PAX1: variants seen among roughly 807,000 people sequenced by gnomAD.
PAX1 encodes paired box protein Pax-1.
PAX1 carries 18 observed loss-of-function variants against 35.6 expected under a neutral mutation model. The ratio of observed to expected loss-of-function variants is 0.50; its 90% CI spans 0.35 to 0.75. The LOEUF (loss-of-function observed/expected upper bound fraction) is 0.75, where lower values mean the gene tolerates loss of function less well. PAX1 is among the 30% of genes least tolerant of loss of function. The pLI, the probability that PAX1 is intolerant of heterozygous loss-of-function variation, is 0.01. For synonymous variants in PAX1, 397 were observed against 305.2 expected (o/e 1.30, Z -3.14); for missense variants, 760 against 661.5 (o/e 1.15, Z -1.63).
intron 4 of PAX1, among the ~76,000 whole-genome samples, chr20:21,713,904 A>G (rs1451529244): frequency 6.6e-6 from 1 of 152,226 alleles, no homozygotes; most frequent in African/African-American, 2.4e-5. Context: ...ACTGCCTCCT[A>G]CGTCGGAGGA....
rs376384580 is a variant in PAX1, at chr20:21,714,597, C to A, written c.*35C>A. 1 of 1,560,240 alleles carries A rather than the reference C, an allele frequency of 6.4e-7. No individual in the cohort carries two copies. The highest frequency in any genetic ancestry group is 8.7e-7 in the Non-Finnish European group (1 of 1,156,012). On this transcript the variant is annotated 3_prime_UTR_variant, in exon 5 of 5. Transcript: ENST00000613128. ...TCCCCGGACCCGAGCCCGGAGGGAA[C>A]GGCAGGCGGACCCGGGCGCACAGGT...
At position 21,709,405 on chromosome 20, in the gene PAX1, C is replaced by A; in HGVS notation, c.1243C>A (p.Leu415Ile). 6.5e-7 allele frequency: 1 copy of A among 1,545,944 alleles called. No homozygotes were observed. Among genetic ancestry groups the A allele is most frequent in the Non-Finnish European group, 8.7e-7 (1 of 1,150,628 alleles). Residue 415 changes from leucine (L) to isoleucine (I), a missense_variant, in exon 4 of 5, where the codon CTC becomes ATC. Physicochemically the swap from Leu to Ile is conservative, Grantham distance 5. Transcript: ENST00000613128. ...CGGCGTAGCTGTGCATGGCGGGGAA[C>A]TCGCGGCAGCAATGACCTTCAAGCA... ...GAGVAVHGGE[L>I]AAAMTFKHPS...
At chr20:21,712,104 C>A (rs985805155) in intron 4 of PAX1, among the ~76,000 whole-genome samples, 2 of 152,198 alleles carry the variant, frequency 1.3e-5, no homozygotes, top group Non-Finnish European at 2.9e-5. Context: ...ACACACCACA[C>A]ACGCACAGTG....
intron 4 of PAX1, among the ~76,000 whole-genome samples, chr20:21,713,277 G>C (rs1384095113): frequency 6.6e-6 from 1 of 152,172 alleles, no homozygotes; most frequent in Non-Finnish European, 1.5e-5. Flanking sequence ...ACTTTGTTTA[G>C]GAAAAAGAGC....
Position 21,709,355 on chromosome 20 carries a change from G to T in PAX1, c.1193G>T (p.Gly398Val). The T allele has an allele frequency of 1.9e-6, 3 of 1,593,862 alleles. No individual in the cohort carries two copies. Among genetic ancestry groups the T allele is most frequent in the Non-Finnish European group, 2.6e-6 (3 of 1,174,264 alleles). Residue 398 changes from glycine to valine, a missense_variant, in exon 4 of 5, where the codon GGT becomes GTT. Coordinates refer to ENST00000613128, the MANE Select transcript of PAX1 (RefSeq NM_001257096.2). ...GGCCCGCCGTGGCCGCCTGCGCAAG[G>T]TCCTCCTCTGGCGCCCCCCGGGGCC... is the stretch of plus-strand genomic sequence containing the variant. ...APGPPWPPAQGPPLAPPGAGV... is the reference protein window; with the variant it reads ...APGPPWPPAQVPPLAPPGAGV...
intron 2 of PAX1, among the ~76,000 whole-genome samples, chr20:21,707,855 T>C (rs1041710758): frequency 3.3e-5 from 5 of 152,144 alleles, no homozygotes; most frequent in African/African-American, 7.2e-5. Context: ...GAAAGAGTGG[T>C]GGCTGGAAAG....
chr20:21,712,774 G>A (rs1231995689), intron 4 of PAX1, among the ~76,000 whole-genome samples: 1 of 152,196 alleles, frequency 6.6e-6, no homozygotes, highest in Non-Finnish European at 1.5e-5. Flanking sequence ...TAGGTCGCTG[G>A]CATTGTCGCA....
In PAX1 at chr20:21,705,764, G is replaced by C. The variant is rs1347724154; in HGVS notation, c.52G>C (p.Gly18Arg). The C allele has an allele frequency of 2.0e-5, 25 of 1,262,292 alleles. No individual in the cohort carries two copies. The highest frequency in any genetic ancestry group is 2.4e-5 in the Non-Finnish European group (24 of 1,002,586). The allele number at this position is 1,262,292 out of a possible 1,614,324, so 78.2% of individuals were successfully genotyped here. A position where few individuals can be genotyped will look rare whatever the true frequency, so the allele number is the denominator to read the frequency against. The change falls in exon 1 of 5, where the codon GGG becomes CGG. Residue 18 changes from glycine to arginine, a missense_variant. Physicochemically the swap from Gly to Arg is moderately radical, Grantham distance 125. Coordinates refer to ENST00000613128, the MANE Select transcript of PAX1 (RefSeq NM_001257096.2). The part of the protein sequence containing the change: ...GSRAWRVSWE[G>R]AAAAAAGPGA... Reference sequence around the variant, plus strand: ...GCGGGCGTGGAGAGTGTCCTGGGAGGGGGCAGCAGCGGCGGCGGCAGGCCC... The same window carrying C: ...GCGGGCGTGGAGAGTGTCCTGGGAGCGGGCAGCAGCGGCGGCGGCAGGCCC...
intron 3 of PAX1, 74 bp downstream of exon 3, chr20:21,708,774 G>A: frequency 1.3e-6 from 2 of 1,532,462 alleles, no homozygotes; most frequent in Non-Finnish European, 1.8e-6. Flanking sequence ...GAAAAAGAGA[G>A]AGAAAGAAAA....
intron 2 of PAX1, among the ~76,000 whole-genome samples, chr20:21,707,521 C>T (rs999446557): frequency 6.6e-6 from 1 of 152,144 alleles, no homozygotes; most frequent in African/African-American, 2.4e-5. Context: ...GATTGAGTGG[C>T]CTACATCTCT....
intron 2 of PAX1, 45 bp downstream of exon 2, chr20:21,707,112 C>A (rs778116205): frequency 1.2e-6 from 2 of 1,610,908 alleles, no homozygotes; most frequent in Non-Finnish European, 1.7e-6. Context: ...GGGGCAGAAC[C>A]TGGGGCGGGC....
Position 21,708,349 on chromosome 20 carries a change from G to A in PAX1, c.917-209G>A. On this transcript the variant is annotated intron_variant, in intron 2 of 4. Transcript: ENST00000613128. ...TGGGAAACCGGTTGAAGGCTAGGAG[G>A]ACCGGGCAGCAGGCCTGGCTGCCTT... The A allele has an allele frequency of 4.3e-6, 3 of 704,234 alleles. No homozygotes were observed. In the South Asian group the frequency reaches 4.8e-5, roughly 11 times the overall value. The allele number at this position is 704,234 out of a possible 1,614,324, so 43.6% of individuals were successfully genotyped here.
chr20:21,709,407 C>A lies in PAX1; in HGVS notation c.1245C>A (p.Leu415=). The A allele has an allele frequency of 6.5e-7, 1 of 1,544,946 alleles. No homozygotes were observed. The highest frequency in any genetic ancestry group is 1.2e-5 in the South Asian group (1 of 84,320). Residue 415 remains leucine, a synonymous_variant, in exon 4 of 5, where the codon CTC becomes CTA. Coordinates refer to ENST00000613128, the MANE Select transcript of PAX1 (RefSeq NM_001257096.2). The part of the protein sequence containing the change: ...GAGVAVHGGE[L]AAAMTFKHPS... ...GCGTAGCTGTGCATGGCGGGGAACTCGCGGCAGCAATGACCTTCAAGCATC... is the reference window on the plus strand; with the variant it reads ...GCGTAGCTGTGCATGGCGGGGAACTAGCGGCAGCAATGACCTTCAAGCATC...
At chr20:21,707,821 G>A (rs1040612962) in intron 2 of PAX1, among the ~76,000 whole-genome samples, 1 of 152,192 alleles carries the variant, frequency 6.6e-6, no homozygotes, top group Admixed American at 6.5e-5. Context: ...AGGGCAAGAA[G>A]CAAAATTCAC....
rs1600330427 is a variant in PAX1, at chr20:21,715,093, T to C, written c.*531T>C. 7 of 540,736 alleles carry C rather than the reference T, an allele frequency of 1.3e-5. No homozygotes were observed. The East Asian group carries it at 1.9e-4, about 15-fold the overall frequency. 33.5% of individuals were successfully genotyped at this position (540,736 alleles called of 1,614,324 possible). ...TTCTTCCCCCGTCTCCTCTTTCTAG[T>C]CCTCTATATGCTATCAGCCCTTTTT... On this transcript the variant is annotated 3_prime_UTR_variant, in exon 5 of 5. Coordinates refer to ENST00000613128, the MANE Select transcript of PAX1 (RefSeq NM_001257096.2).
intron 4 of PAX1, among the ~76,000 whole-genome samples, 198 bp downstream of exon 4, chr20:21,709,642 C>A (rs1420756988): frequency 6.6e-6 from 1 of 151,992 alleles, no homozygotes; most frequent in African/African-American, 2.4e-5. Context: ...ATAAAGGTAC[C>A]CGAGGTTGAG....
Position 21,714,571 on chromosome 20 carries a change from C to T in PAX1, c.*9C>T. The T allele has an allele frequency of 1.3e-6, 2 of 1,582,966 alleles. No homozygotes were observed. The highest frequency in any genetic ancestry group is 3.6e-5 in the Admixed American group (2 of 55,738). On this transcript the variant is annotated 3_prime_UTR_variant, in exon 5 of 5. Coordinates refer to ENST00000613128, the MANE Select transcript of PAX1 (RefSeq NM_001257096.2). Reference sequence around the variant, plus strand: ...CGGCCTCGACCTCCTAGGGGCAGCTCTCCCCGGACCCGAGCCCGGAGGGAA... The same window carrying T: ...CGGCCTCGACCTCCTAGGGGCAGCTTTCCCCGGACCCGAGCCCGGAGGGAA...
Position 21,705,983 on chromosome 20 carries a change from G to C in PAX1, c.271G>C (p.Gly91Arg). The C allele has an allele frequency of 5.4e-6, 8 of 1,482,118 alleles. No homozygotes were observed. The highest frequency in any genetic ancestry group is 7.1e-6 in the Non-Finnish European group (8 of 1,124,432). The allele number at this position is 1,482,118 out of a possible 1,614,324, so 91.8% of individuals were successfully genotyped here. A position where few individuals can be genotyped will look rare whatever the true frequency, so the allele number is the denominator to read the frequency against. Residue 91 changes from glycine to arginine, a missense_variant, in exon 1 of 5, where the codon GGC (glycine) becomes CGC (arginine). Coordinates refer to ENST00000613128, the MANE Select transcript of PAX1 (RefSeq NM_001257096.2). ...CCACCCCGGCGCCAGGCAGCTGGCCGGCCCGCTCGCTATGGGTAAGGGGCG... is the reference window on the plus strand; with the variant it reads ...CCACCCCGGCGCCAGGCAGCTGGCCCGCCCGCTCGCTATGGGTAAGGGGCG... ...PGHPGARQLAGPLAMEQTYGE... is the reference protein window; with the variant it reads ...PGHPGARQLARPLAMEQTYGE...
intron 2 of PAX1, among the ~76,000 whole-genome samples, chr20:21,707,522 C>T (rs1985057732): frequency 1.3e-5 from 2 of 152,266 alleles, no homozygotes; most frequent in South Asian, 4.2e-4. Flanking sequence ...ATTGAGTGGC[C>T]TACATCTCTA....
Sources: gnomAD v4.1 joint callset for allele counts (sites outside exome capture counted in the v4.1 genomes callset) on GRCh38, gnomAD v4.1.1 for gene constraint, MANE v1.5 for transcripts, NCBI Gene and HGNC (gene_info 2026-07-23, HGNC 2026-07-21) for gene names.